Variants in PRDM5 observed in about 807,000 individuals in gnomAD.
PRDM5 encodes the protein PR domain zinc finger protein 5.
In PRDM5, 56 loss-of-function variants were observed where a neutral mutation model predicts 81.2. The ratio of observed to expected loss-of-function variants is 0.69; its 90% CI spans 0.56 to 0.86. The LOEUF (loss-of-function observed/expected upper bound fraction) is 0.86. Among genes scored for constraint, PRDM5 ranks in the 40% least tolerant of loss-of-function variants. The pLI is 0.00. For missense variants in PRDM5, 697 were observed against 770.1 expected, an observed-to-expected ratio of 0.91 and a Z score of 1.12; for synonymous variants, 267 against 256.4, an observed-to-expected ratio of 1.04 and a Z score of -0.39.
chr4:120,887,030 C>T (rs1005014166), intron 2 of PRDM5, among the ~76,000 whole-genome samples: 2 of 151,944 alleles, frequency 1.3e-5, no homozygotes, highest in African/African-American at 4.8e-5. Flanking sequence ...ACTGCAACCT[C>T]CACTTCCTGG....
chr4:120,850,586 G>C (rs1376640185), intron 3 of PRDM5, among the ~76,000 whole-genome samples: 1 of 152,234 alleles, frequency 6.6e-6, no homozygotes, highest in South Asian at 2.1e-4. Context: ...GTGCAAAACA[G>C]TGTTAAAAGA....
intron 6 of PRDM5, 107 bp from the exon 7 acceptor site, chr4:120,816,681 G>A (rs922231729): frequency 9.6e-6 from 15 of 1,567,262 alleles, no homozygotes; most frequent in Non-Finnish European, 1.3e-5. Flanking sequence ...TAGAGTTTCG[G>A]GGTCATTCCA....
At chr4:120,891,082 T>C (rs945358962) in intron 2 of PRDM5, among the ~76,000 whole-genome samples, 2 of 152,164 alleles carry the variant, frequency 1.3e-5, no homozygotes, top group Non-Finnish European at 2.9e-5. Flanking sequence ...CCTAAAATTT[T>C]TTGTAATAGT....
At chr4:120,706,722 T>C (rs189588702) in intron 15 of PRDM5, among the ~76,000 whole-genome samples, 2 of 144,204 alleles carry the variant, frequency 1.4e-5, no homozygotes, top group African/African-American at 2.5e-5. Flanking sequence ...TATATATATA[T>C]ATATAAATTA....
chr4:120,733,710 T>C (rs992332659), intron 14 of PRDM5, among the ~76,000 whole-genome samples: 1 of 152,060 alleles, frequency 6.6e-6, no homozygotes, highest in African/African-American at 2.4e-5. Flanking sequence ...GTCCTTTCGA[T>C]GTTAATAATG....
intron 14 of PRDM5, among the ~76,000 whole-genome samples, chr4:120,740,762 G>A (rs1561040670): frequency 6.6e-6 from 1 of 152,156 alleles, no homozygotes; most frequent in South Asian, 2.1e-4. Context: ...ATTCTTGCTG[G>A]AGAATGATTC....
intron 3 of PRDM5, among the ~76,000 whole-genome samples, chr4:120,822,727 A>G (rs1446945736): frequency 6.6e-6 from 1 of 152,276 alleles, no homozygotes; most frequent in East Asian, 1.9e-4. Context: ...AACAATATAT[A>G]TTAGAAAATT....
At chr4:120,733,424 G>A (rs1025455634) in intron 14 of PRDM5, among the ~76,000 whole-genome samples, 6 of 152,072 alleles carry the variant, frequency 3.9e-5, no homozygotes, top group Admixed American at 1.3e-4. Context: ...CCTTGCACAC[G>A]ACACTCAGTT....
At chr4:120,840,745 G>A (rs190823050) in intron 3 of PRDM5, among the ~76,000 whole-genome samples, 9 of 152,332 alleles carry the variant, frequency 5.9e-5, no homozygotes, top group Non-Finnish European at 1.2e-4. Flanking sequence ...AGGCGACCCA[G>A]CCCGGACACA....
chr4:120,872,481 T>C (rs1561558694), intron 2 of PRDM5, among the ~76,000 whole-genome samples: 1 of 152,184 alleles, frequency 6.6e-6, no homozygotes, highest in Non-Finnish European at 1.5e-5. Flanking sequence ...ATTATACTTA[T>C]ATGAGGCATC....
At chr4:120,790,404 CAGG>C (rs752661049) in intron 10 of PRDM5, among the ~76,000 whole-genome samples, 6 of 152,124 alleles carry the variant, frequency 3.9e-5, no homozygotes, top group Non-Finnish European at 8.8e-5. Context: ...AGTTATTGTA[CAGG>C]AGAATTTTCT....
intron 3 of PRDM5, 94 bp from the exon 4 acceptor site, chr4:120,821,439 G>T: frequency 8.2e-7 from 1 of 1,213,118 alleles, no homozygotes. Context: ...TACTATGTGT[G>T]CATGAAAAGT....
chr4:120,846,428 C>T (rs900586143), intron 3 of PRDM5, among the ~76,000 whole-genome samples: 1 of 152,232 alleles, frequency 6.6e-6, no homozygotes, highest in Non-Finnish European at 1.5e-5. Context: ...GGGTGAGACA[C>T]TTCACCAGCA....
chr4:120,832,597 T>C (rs1756853659), intron 3 of PRDM5, among the ~76,000 whole-genome samples: 1 of 152,154 alleles, frequency 6.6e-6, no homozygotes, highest in Non-Finnish European at 1.5e-5. Context: ...CACTATATCA[T>C]ATTCACCTTT....
intron 15 of PRDM5, among the ~76,000 whole-genome samples, chr4:120,706,023 C>CG (rs1560915647): frequency 6.6e-6 from 1 of 151,500 alleles, no homozygotes; most frequent in Non-Finnish European, 1.5e-5. Flanking sequence ...GCAGGAATTA[C>CG]AGGGTGTGAG....
intron 8 of PRDM5, among the ~76,000 whole-genome samples, chr4:120,803,463 CG>C (rs1015485283): frequency 6.6e-6 from 1 of 152,118 alleles, no homozygotes; most frequent in African/African-American, 2.4e-5. Flanking sequence ...AGAGAAAGGT[CG>C]GGTTACCCAG....
At chr4:120,753,846 T>C (rs1445717067) in intron 14 of PRDM5, among the ~76,000 whole-genome samples, 1 of 152,184 alleles carries the variant, frequency 6.6e-6, no homozygotes, top group Non-Finnish European at 1.5e-5. Context: ...AAAATTTCCA[T>C]GTGGAAAGTT....
chr4:120,844,283 A>G (rs1019453491), intron 3 of PRDM5, among the ~76,000 whole-genome samples: 1 of 152,176 alleles, frequency 6.6e-6, no homozygotes, highest in Non-Finnish European at 1.5e-5. Flanking sequence ...TAAGCTTACT[A>G]TATCAGCACT....
At chr4:120,749,342 G>T (rs1743621180) in intron 14 of PRDM5, among the ~76,000 whole-genome samples, 1 of 152,128 alleles carries the variant, frequency 6.6e-6, no homozygotes, top group Non-Finnish European at 1.5e-5. Context: ...AGAAACCTGG[G>T]GGCCCTGGCA....
Sources: allele counts gnomAD v4.1 joint callset (sites outside exome capture counted in the v4.1 genomes callset), GRCh38; gene constraint gnomAD v4.1.1; transcripts MANE v1.5; gene names NCBI Gene and HGNC (gene_info 2026-07-23, HGNC 2026-07-21).